Variants in HTT observed in about 807,000 individuals in gnomAD.
The protein encoded by HTT is huntingtin, also known as huntington disease protein.
Under a neutral mutation model 362.3 loss-of-function variants are expected in HTT, and 104 were observed. The observed-to-expected ratio is 0.29, with a 90% CI of 0.24 to 0.34. The LOEUF (loss-of-function observed/expected upper bound fraction) is 0.34, where lower values mean the gene tolerates loss of function less well. Ranked by LOEUF, HTT falls within the 10% of genes least tolerant of loss-of-function variation. HTT has a pLI of 1.00. For missense variants in HTT, 3,301 were observed against 3,928.6 expected, an observed-to-expected ratio of 0.84 and a Z score of 4.27; for synonymous variants, 1,577 against 1,548.7, an observed-to-expected ratio of 1.02 and a Z score of -0.43.
chr4:3,192,374 A>G (rs1578575984), intron 40 of HTT, among the ~76,000 whole-genome samples: 2 of 152,268 alleles, frequency 1.3e-5, no homozygotes, highest in Non-Finnish European at 1.5e-5. Flanking sequence ...CACCACGCCC[A>G]GTCTCATCTC....
intron 53 of HTT, 25 bp from the exon 54 acceptor site, chr4:3,222,362 T>G: frequency 6.3e-7 from 1 of 1,594,860 alleles, no homozygotes. Context: ...GTTGACACTC[T>G]CTCATGTAAC....
At chr4:3,136,644 T>C (rs1015451107) in intron 21 of HTT, among the ~76,000 whole-genome samples, 1 of 152,074 alleles carries the variant, frequency 6.6e-6, no homozygotes, top group East Asian at 1.9e-4. Flanking sequence ...AGGTAATCAC[T>C]GTTAATATTT....
intron 7 of HTT, 39 bp from the exon 8 acceptor site, chr4:3,116,046 T>C (rs1281216157): frequency 6.4e-7 from 1 of 1,557,404 alleles, no homozygotes; most frequent in Admixed American, 1.7e-5. Context: ...CTCCAAACAG[T>C]GAGTCAGATG....
intron 33 of HTT, among the ~76,000 whole-genome samples, chr4:3,175,848 T>A (rs1718212269): frequency 6.6e-6 from 1 of 152,284 alleles, no homozygotes; most frequent in East Asian, 1.9e-4. Flanking sequence ...TATTTGTGAG[T>A]TAGAAATATT....
chr4:3,121,353 C>T lies in HTT; in HGVS notation c.1194C>T (p.Val398=), dbSNP rs758534189. The T allele has an allele frequency of 8.1e-6, 13 of 1,614,088 alleles. No homozygotes were observed. The highest frequency in any genetic ancestry group is 1.1e-5 in the South Asian group (1 of 91,060). Residue 398 remains valine (V), a synonymous_variant, in exon 9 of 67, where the codon GTC becomes GTT. Coordinates refer to ENST00000355072, the MANE Select transcript of HTT (RefSeq NM_001388492.1). ...PPELLQTLTA[V]GGIGQLTAAK... The stretch of plus-strand genomic sequence containing the variant: ...AGCTTCTGCAAACCCTGACCGCAGT[C>T]GGGGGCATTGGGCAGCTCACCGCTG...
rs774849534 is a variant in HTT at position 3,238,922 on chromosome 4, G to T, written c.9159G>T (p.Thr3053=). The change falls in exon 66 of 67, where the codon ACG becomes ACT. Residue 3053 remains threonine (T), a synonymous_variant. Coordinates refer to ENST00000355072, the MANE Select transcript of HTT (RefSeq NM_001388492.1). ...AGAGGGCCCCGGTCGCCATGGCCAC[G>T]TGGAGCCTCTCCTGCTTCTTTGTCA... is the stretch of plus-strand genomic sequence containing the variant. ...FTQRAPVAMA[T]WSLSCFFVSA... is the part of the protein sequence containing the mutation. The T allele has an allele frequency of 1.2e-6, 2 of 1,610,814 alleles. No individual in the cohort carries two copies. Among genetic ancestry groups the T allele is most frequent in the Non-Finnish European group, 1.7e-6 (2 of 1,179,364 alleles).
At chr4:3,131,846 A>G in intron 16 of HTT, 71 bp downstream of exon 16, 1 of 1,473,660 alleles carries the variant, frequency 6.8e-7, no homozygotes, top group Non-Finnish European at 9.3e-7. Context: ...AGTATTGACT[A>G]TTTTAGTTTT....
intron 23 of HTT, among the ~76,000 whole-genome samples, chr4:3,144,550 T>G (rs1298784642): frequency 2.0e-5 from 3 of 152,126 alleles, no homozygotes; most frequent in African/African-American, 7.2e-5. Flanking sequence ...ACTCCTGACC[T>G]CGTGATCCAC....
rs377400054 is a variant in HTT at position 3,140,618 on chromosome 4, G to A, written c.2907G>A (p.Thr969=). The change falls in exon 22 of 67, where the codon ACG becomes ACA. Residue 969 remains threonine, a synonymous_variant. Coordinates refer to ENST00000355072, the MANE Select transcript of HTT (RefSeq NM_001388492.1). The stretch of plus-strand genomic sequence containing the variant: ...ACCTGAAACTTCTCATGCATGAGAC[G>A]CAGCCTCCATCTCATTTCTCCGTCA... ...SVYLKLLMHE[T]QPPSHFSVST... is the part of the protein sequence containing the mutation. 2.8e-4 allele frequency: 446 copies of A among 1,613,960 alleles called. No homozygotes were observed. The highest frequency in any genetic ancestry group is 3.4e-4 in the Non-Finnish European group (404 of 1,179,940).
chr4:3,216,899 C>T (rs1720428756), intron 51 of HTT, among the ~76,000 whole-genome samples: 1 of 151,184 alleles, frequency 6.6e-6, no homozygotes, highest in Non-Finnish European at 1.5e-5. Context: ...GTGGCGGGCG[C>T]CTGTAGTCCC....
chr4:3,223,412 A>T lies in HTT; in HGVS notation c.7477A>T (p.Thr2493Ser). The change falls in exon 55 of 67, where the codon ACA (threonine) becomes TCA (serine). Residue 2493 changes from threonine (T) to serine (S), a missense_variant. Transcript: ENST00000355072. The stretch of plus-strand genomic sequence containing the variant: ...ATGTGGGCTCTCCTTCCAGGAAGAC[A>T]CAGAGAGGACCCAGATCAACGTCCT... Reference protein sequence around the residue: ...EQEESPPEEDTERTQINVLAV... With the variant: ...EQEESPPEEDSERTQINVLAV... 1 of 1,588,530 alleles carries T rather than the reference A, an allele frequency of 6.3e-7. No homozygotes were observed. Among genetic ancestry groups the T allele is most frequent in the Non-Finnish European group, 8.6e-7 (1 of 1,166,460 alleles).
intron 2 of HTT, among the ~76,000 whole-genome samples, chr4:3,091,862 C>T (rs1471219431): frequency 6.6e-6 from 1 of 152,066 alleles, no homozygotes; most frequent in Non-Finnish European, 1.5e-5. Context: ...AAATATAAAG[C>T]TTTAGATTAT....
chr4:3,168,149 T>G (rs2110226615), intron 29 of HTT, among the ~76,000 whole-genome samples: 1 of 152,348 alleles, frequency 6.6e-6, no homozygotes, highest in South Asian at 2.1e-4. Context: ...TCAGATCTCT[T>G]TCTGCCACAC....
chr4:3,087,467 G>A (rs774769045), intron 2 of HTT, among the ~76,000 whole-genome samples: 1 of 152,202 alleles, frequency 6.6e-6, no homozygotes, highest in Non-Finnish European at 1.5e-5. Context: ...TGTGCTTCGG[G>A]ATTAGTGGGG....
intron 56 of HTT, among the ~76,000 whole-genome samples, chr4:3,225,392 T>C (rs147665357): frequency 1.3e-5 from 2 of 152,218 alleles, no homozygotes; most frequent in South Asian, 2.1e-4. Flanking sequence ...AGCTGAGGGG[T>C]GACAAGTGAC....
intron 29 of HTT, among the ~76,000 whole-genome samples, chr4:3,167,177 T>G (rs1323643704): frequency 6.6e-6 from 1 of 152,232 alleles, no homozygotes; most frequent in East Asian, 1.9e-4. Context: ...TTTCAAGCGA[T>G]TCTCCTACCT....
rs113694220 is a variant in HTT, at chr4:3,100,962, C to A, written c.468+1568C>A. ...CAGGCTGGTCTTGAACGCCTGGGCT[C>A]AAGTGATCCTCCCTCCTTGGTTTCC... On this transcript the variant is annotated intron_variant, in intron 3 of 66. Transcript: ENST00000355072. Among the ~76,000 whole-genome samples the A allele has an allele frequency of 3.9e-5, 6 of 152,260 alleles. No individual in the cohort carries two copies. The South Asian group carries it at 8.3e-4, about 21-fold the overall frequency.
At chr4:3,122,808 A>G (rs892419843) in intron 9 of HTT, 81 bp from the exon 10 acceptor site, 5 of 1,141,468 alleles carry the variant, frequency 4.4e-6, no homozygotes, top group African/African-American at 1.5e-5. Context: ...TTAAAGTTGA[A>G]TCAAGCTGTT....
chr4:3,225,856 C>T, intron 57 of HTT, 113 bp downstream of exon 57: 3 of 690,614 alleles, frequency 4.3e-6, no homozygotes, highest in South Asian at 4.1e-5. Context: ...AGGAAGTTTT[C>T]CTTTTTTTTA....
Sources: allele counts gnomAD v4.1 joint callset (sites outside exome capture counted in the v4.1 genomes callset), GRCh38; gene constraint gnomAD v4.1.1; transcripts MANE v1.5; gene names NCBI Gene and HGNC (gene_info 2026-07-23, HGNC 2026-07-21).